The following ZNF485 variants were observed in gnomAD, a reference collection of about 807,000 sequenced individuals.
The protein encoded by ZNF485 is Zinc finger protein 93 (Zinc finger protein HTF34).
A neutral mutation model predicts 10.8 loss-of-function variants in ZNF485; 9 were observed. That is an observed-to-expected ratio of 0.83 (90% CI 0.50 to 1.45). ZNF485 has a LOEUF of 1.45. ZNF485 is among the 40% of genes most tolerant of loss of function. The pLI, the probability that ZNF485 is intolerant of heterozygous loss-of-function variation, is 0.00. For synonymous variants in ZNF485, 187 were observed against 181.0 expected (o/e 1.03, Z -0.27); for missense variants, 487 against 528.0 (o/e 0.92, Z 0.76).
intron 4 of ZNF485, among the ~76,000 whole-genome samples, chr10:43,613,049 T>C (rs1017795103): frequency 2.6e-5 from 4 of 152,214 alleles, no homozygotes; most frequent in Admixed American, 2.0e-4. Context: ...TGTGTTTTGA[T>C]TTCTGTGATT....
Position 43,607,119 on chromosome 10 carries a change from G to A in ZNF485, c.24+45G>A, listed in dbSNP as rs199784806. On this transcript the variant is annotated intron_variant, in intron 2 of 4. Transcript: ENST00000361807. ...TTCTTGAGAAACCACGTGTTTCAGC[G>A]AGGTGGGGTTTATGCCTCTTGCCCG... 3.1e-4 allele frequency: 488 copies of A among 1,550,134 alleles called. 2 individuals carry two copies. The Middle Eastern group carries it at 4.0e-3, about 13-fold the overall frequency.
At chr10:43,615,401 A>G (rs996631409) in intron 4 of ZNF485, among the ~76,000 whole-genome samples, 2 of 151,016 alleles carry the variant, frequency 1.3e-5, no homozygotes, top group African/African-American at 4.9e-5. Flanking sequence ...ATTGATTGGT[A>G]ATTTTTTTTT....
intron 4 of ZNF485, among the ~76,000 whole-genome samples, chr10:43,609,727 G>A (rs1371115295): frequency 6.6e-6 from 1 of 151,940 alleles, no homozygotes; most frequent in Non-Finnish European, 1.5e-5. Flanking sequence ...TGTCGCCCAG[G>A]CTGGAGTGTA....
chr10:43,613,647 G>GC (rs1394481723), intron 4 of ZNF485, among the ~76,000 whole-genome samples: 2 of 152,194 alleles, frequency 1.3e-5, no homozygotes, highest in Non-Finnish European at 2.9e-5. Context: ...TTTGGCTATT[G>GC]CAAGTGCTGT....
intron 4 of ZNF485, among the ~76,000 whole-genome samples, chr10:43,616,026 T>C (rs1045472456): frequency 2.6e-5 from 4 of 152,232 alleles, no homozygotes; most frequent in Non-Finnish European, 5.9e-5. Flanking sequence ...GTTGTCTTCC[T>C]AACTTGGCAA....
intron 4 of ZNF485, among the ~76,000 whole-genome samples, chr10:43,610,605 T>A (rs983351711): frequency 2.6e-5 from 4 of 152,254 alleles, no homozygotes; most frequent in African/African-American, 9.6e-5. Flanking sequence ...TTATTTGAAA[T>A]AGAATGTTTA....
Position 43,606,624 on chromosome 10 carries a change from C to G in ZNF485, c.-55+78C>G, listed in dbSNP as rs1327888811. 3 of 288,882 alleles carry G rather than the reference C, an allele frequency of 1.0e-5. No homozygotes were observed. The East Asian group carries it at 2.6e-4, about 25-fold the overall frequency. The allele number at this position is 288,882 out of a possible 1,614,324, so 17.9% of individuals were successfully genotyped here. A position where few individuals can be genotyped will look rare whatever the true frequency, so the allele number is the denominator to read the frequency against. On this transcript the variant is annotated intron_variant, in intron 1 of 4. Transcript: ENST00000361807. Reference sequence around the variant, plus strand: ...GGGTGCTCCCCGCCTTTCCCAGGGGCGGGTCGAGGGGCGAGCCGGGGTGGG... The same window carrying G: ...GGGTGCTCCCCGCCTTTCCCAGGGGGGGGTCGAGGGGCGAGCCGGGGTGGG...
At chr10:43,613,056 G>T (rs1729949086) in intron 4 of ZNF485, among the ~76,000 whole-genome samples, 1 of 152,088 alleles carries the variant, frequency 6.6e-6, no homozygotes, top group African/African-American at 2.4e-5. Context: ...TGATTTCTGT[G>T]ATTGAAGTAC....
In ZNF485 at chr10:43,617,062, C is replaced by G. The variant is rs755356075; in HGVS notation, c.1019C>G (p.Ser340Cys). 9 of 1,614,052 alleles carry G rather than the reference C, an allele frequency of 5.6e-6. No individual in the cohort carries two copies. The highest frequency in any genetic ancestry group is 5.0e-5 in the Admixed American group (3 of 60,012). Residue 340 changes from serine to cysteine, a missense_variant, in exon 5 of 5, where the codon TCC (serine) becomes TGC (cysteine). Coordinates refer to ENST00000361807, the MANE Select transcript of ZNF485 (RefSeq NM_145312.4). ...GGAAAATCTTTCAGGTATAGCTCAT[C>G]CTTTGCTGGTCATCAGAAAACTCAC... Reference protein sequence around the residue: ...KCGKSFRYSSSFAGHQKTHSG... With the variant: ...KCGKSFRYSSCFAGHQKTHSG...
At chr10:43,612,125 A>AT (rs1838779262) in intron 4 of ZNF485, among the ~76,000 whole-genome samples, 1 of 152,158 alleles carries the variant, frequency 6.6e-6, no homozygotes, top group Non-Finnish European at 1.5e-5. Context: ...TGATTGCTGA[A>AT]TTTTATTAAA....
intron 3 of ZNF485, 56 bp from the exon 4 acceptor site, chr10:43,609,199 T>C (rs1180103856): frequency 1.4e-5 from 19 of 1,374,610 alleles, no homozygotes; most frequent in Non-Finnish European, 1.7e-5. Flanking sequence ...CGCCATCACA[T>C]TCCTTTTCAT....
chr10:43,609,084 T>C (rs982549396), intron 3 of ZNF485, among the ~76,000 whole-genome samples, 171 bp from the exon 4 acceptor site: 9 of 152,158 alleles, frequency 5.9e-5, no homozygotes, highest in African/African-American at 2.2e-4. Flanking sequence ...ACTTCATGAG[T>C]TGGACATCCT....
Position 43,617,359 on chromosome 10 carries a change from A to T in ZNF485, c.1316A>T (p.Lys439Ile), listed in dbSNP as rs1838886362. The change falls in exon 5 of 5, where the codon AAA becomes ATA. Residue 439 changes from lysine to isoleucine, a missense_variant. By Grantham distance (102) the Lys-to-Ile change is moderately radical. Coordinates refer to ENST00000361807, the MANE Select transcript of ZNF485 (RefSeq NM_145312.4). Reference sequence around the variant, plus strand: ...ATTCATAATAAAGAAAGAGCCATGAAATGTAGTTAGTGTGGCAAATTGTGC... The same window carrying T: ...ATTCATAATAAAGAAAGAGCCATGATATGTAGTTAGTGTGGCAAATTGTGC... ...KKIHNKERAMKCS is the reference protein window; with the variant it reads ...KKIHNKERAMICS 1.3e-6 allele frequency: 2 copies of T among 1,549,390 alleles called. No homozygotes were observed. Among genetic ancestry groups the T allele is most frequent in the East Asian group, 4.5e-5 (2 of 44,438 alleles).
In ZNF485 at chr10:43,617,530, A is replaced by G. The variant is rs1452065942; in HGVS notation, c.*161A>G. 1.7e-6 allele frequency: 1 copy of G among 591,322 alleles called. No homozygotes were observed. The highest frequency in any genetic ancestry group is 2.9e-6 in the Non-Finnish European group (1 of 345,772). 36.6% of individuals were successfully genotyped at this position (591,322 alleles called of 1,614,324 possible). A position where few individuals can be genotyped will look rare whatever the true frequency, so the allele number is the denominator to read the frequency against. The stretch of plus-strand genomic sequence containing the variant: ...TACTAGTGAAATATTTGAAGAAACT[A>G]AATGTATGTCAGTATGGAAGTAGTT... On this transcript the variant is annotated 3_prime_UTR_variant, in exon 5 of 5. Coordinates refer to ENST00000361807, the MANE Select transcript of ZNF485 (RefSeq NM_145312.4).
chr10:43,616,093 C>G (rs924442098), intron 4 of ZNF485, among the ~76,000 whole-genome samples, 198 bp from the exon 5 acceptor site: 4 of 152,108 alleles, frequency 2.6e-5, no homozygotes, highest in African/African-American at 7.2e-5. Context: ...AGATTCTTTT[C>G]TTTTCTTTAA....
rs949169551 is a variant in ZNF485, at chr10:43,606,451, T to C, written c.-150T>C. Reference sequence around the variant, plus strand: ...GCCTGTCTCCGCGTGGTGCGAGCGCTGCACCAGCCCCTGGCTGGTGGTTAC... The same window carrying C: ...GCCTGTCTCCGCGTGGTGCGAGCGCCGCACCAGCCCCTGGCTGGTGGTTAC... On this transcript the variant is annotated 5_prime_UTR_variant, in exon 1 of 5. Coordinates refer to ENST00000361807, the MANE Select transcript of ZNF485 (RefSeq NM_145312.4). The C allele has an allele frequency of 6.0e-5, 25 of 417,422 alleles. No individual in the cohort carries two copies. Among genetic ancestry groups the C allele is most frequent in the Non-Finnish European group, 1.1e-4 (25 of 223,556 alleles). The allele number at this position is 417,422 out of a possible 1,614,324, so 25.9% of individuals were successfully genotyped here.
Position 43,608,710 on chromosome 10 carries a change from C to G in ZNF485, c.121C>G (p.Leu41Val). 6.2e-7 allele frequency: 1 copy of G among 1,614,068 alleles called. No homozygotes were observed. The highest frequency in any genetic ancestry group is 1.1e-5 in the South Asian group (1 of 91,050). Residue 41 changes from leucine to valine, a missense_variant, in exon 3 of 5, where the codon CTG (leucine) becomes GTG (valine). Physicochemically the swap from Leu to Val is conservative, Grantham distance 32. Coordinates refer to ENST00000361807, the MANE Select transcript of ZNF485 (RefSeq NM_145312.4). ...AQRALYRDVM[L>V]ENYGNLVSVG... ...GCGGGCCCTGTACAGGGATGTGATG[C>G]TGGAGAACTATGGGAATCTGGTGTC...
chr10:43,607,002 C>T lies in ZNF485; in HGVS notation c.-49C>T, dbSNP rs1283409364. The T allele has an allele frequency of 2.8e-5, 43 of 1,551,066 alleles. No homozygotes were observed. The highest frequency in any genetic ancestry group is 3.6e-5 in the Non-Finnish European group (41 of 1,146,458). On this transcript the variant is annotated 5_prime_UTR_variant, in exon 2 of 5. Coordinates refer to ENST00000361807, the MANE Select transcript of ZNF485 (RefSeq NM_145312.4). ...TTTCCTCTCTTCTTTCCCAGATTGA[C>T]TTACGCAGGATTCTCAGCCCTTGCC...
rs774157079 is a variant in ZNF485, at chr10:43,616,984, T to G, written c.941T>G (p.Ile314Ser). 1 of 1,614,134 alleles carries G rather than the reference T, an allele frequency of 6.2e-7. No homozygotes were observed. Among genetic ancestry groups the G allele is most frequent in the Non-Finnish European group, 8.5e-7 (1 of 1,180,036 alleles). ...GKAFRKSSTL[I>S]SHQRMHTGEK... ...GCCTTTAGGAAGAGCTCAACTCTTA[T>G]TAGTCACCAAAGAATGCATACTGGG... The change falls in exon 5 of 5, where the codon ATT (isoleucine) becomes AGT (serine). Residue 314 changes from isoleucine (I) to serine (S), a missense_variant. Transcript: ENST00000361807.
Sources: allele counts gnomAD v4.1 joint callset (sites outside exome capture counted in the v4.1 genomes callset), GRCh38; gene constraint gnomAD v4.1.1; transcripts MANE v1.5; gene names NCBI Gene and HGNC (gene_info 2026-07-23, HGNC 2026-07-21).